The following MRPL23 variants were observed in gnomAD, a reference collection of about 807,000 sequenced individuals.
The protein encoded by MRPL23 is large ribosomal subunit protein uL23m.
For missense variants in MRPL23, 25 were observed against 81.3 expected (o/e 0.31, Z 2.66); for synonymous variants, 12 against 34.8 (o/e 0.35, Z 2.30).
downstream of MRPL23, among the ~76,000 whole-genome samples, chr11:1,960,028 A>T (rs1407186471): frequency 4.2e-5 from 5 of 120,082 alleles, 1 homozygote; most frequent in African/African-American, 5.7e-5. Context: ...AGGCAGTGCC[A>T]TGCTGCGTGC....
intron 5 of MRPL23, chr11:1,983,330 G>T (rs2119591988): frequency 6.0e-5 from 1 of 16,674 alleles, no homozygotes; most frequent in East Asian, 9.9e-4. Flanking sequence ...CGTCCAGGTG[G>T]CTGGGGACTC....
At chr11:1,989,134 G>A (rs1856847586), downstream of MRPL23, among the ~76,000 whole-genome samples, 1 of 131,620 alleles carries the variant, frequency 7.6e-6, no homozygotes, top group African/African-American at 2.5e-5. Context: ...GTGGTGGCAG[G>A]CAGGGTGTGT....
chr11:1,988,813 A>T (rs557980105), downstream of MRPL23, among the ~76,000 whole-genome samples: 2 of 143,776 alleles, frequency 1.4e-5, no homozygotes, highest in Non-Finnish European at 3.1e-5. Context: ...GGGCCCCTGG[A>T]CATCACTCAC....
At chr11:1,991,713 G>A in the MRPL23 span, among the ~76,000 whole-genome samples, 55 of 128,532 alleles carry the variant, frequency 4.3e-4, 1 homozygote, top group African/African-American at 1.4e-3. Flanking sequence ...GGGCCGAGGA[G>A]GGCCCCCGCC....
chr11:1,991,572 ACAC>A, the MRPL23 span, among the ~76,000 whole-genome samples: 2 of 125,234 alleles, frequency 1.6e-5, no homozygotes, highest in African/African-American at 5.2e-5. Flanking sequence ...ACACACACAC[ACAC>A]ACACACACAC....
At chr11:1,989,191 C>T (rs1204282331), downstream of MRPL23, among the ~76,000 whole-genome samples, 3 of 100,306 alleles carry the variant, frequency 3.0e-5, no homozygotes, top group East Asian at 5.2e-4. Context: ...GGGGCGGCTC[C>T]GTGGGAAAGT....
chr11:1,960,019 G>A (rs1856463660), downstream of MRPL23, among the ~76,000 whole-genome samples: 1 of 120,862 alleles, frequency 8.3e-6, no homozygotes, highest in Non-Finnish European at 1.8e-5. Context: ...GCAAGGCCCA[G>A]GCAGTGCCAT....
chr11:1,991,735 C>T, the MRPL23 span, among the ~76,000 whole-genome samples: 4 of 123,266 alleles, frequency 3.2e-5, no homozygotes, highest in African/African-American at 1.1e-4. Flanking sequence ...GGACCCACTG[C>T]GCCCTTGGCT....
At chr11:1,956,696 G>A (rs372088194), downstream of MRPL23, 1 of 34,804 alleles carries the variant, frequency 2.9e-5, no homozygotes, top group South Asian at 1.4e-3. Context: ...GCCTGGCTCC[G>A]CTTTCCCAGG....
At chr11:1,984,022 G>A (rs1856786063) in intron 5 of MRPL23, 1 of 99,062 alleles carries the variant, frequency 1.0e-5, no homozygotes, top group Non-Finnish European at 2.3e-5. Flanking sequence ...GGATCCTGCA[G>A]GAAGCCTGCG....
chr11:1,994,023 C>T, the MRPL23 span, among the ~76,000 whole-genome samples: 6 of 96,678 alleles, frequency 6.2e-5, 2 homozygotes, highest in South Asian at 8.6e-4. Context: ...ACCCAAGGGA[C>T]GTGGGGAACC....
chr11:1,992,960 G>A, the MRPL23 span, among the ~76,000 whole-genome samples: 830 of 140,274 alleles, frequency 5.9e-3, 62 homozygotes, highest in Non-Finnish European at 8.8e-3. Context: ...CCCCCTGAAC[G>A]CTGCCCCCAC....
chr11:1,991,720 C>G, the MRPL23 span, among the ~76,000 whole-genome samples: 2 of 126,754 alleles, frequency 1.6e-5, no homozygotes, highest in South Asian at 7.3e-4. Flanking sequence ...GGAGGGCCCC[C>G]GCCCGGACCC....
At chr11:1,965,191 C>T (rs567819849), downstream of MRPL23, among the ~76,000 whole-genome samples, 3 of 115,614 alleles carry the variant, frequency 2.6e-5, no homozygotes, top group African/African-American at 5.7e-5. Flanking sequence ...GGATGGAGCT[C>T]GGGAGGAGGG....
Position 1,953,609 on chromosome 11 carries a change from G to T in MRPL23, c.297+754G>T, listed in dbSNP as rs939539332. Among the ~76,000 whole-genome samples the T allele has an allele frequency of 2.9e-5, 3 of 102,190 alleles. 1 individual carries two copies. The highest frequency in any genetic ancestry group is 5.8e-5 in the Non-Finnish European group (3 of 51,944). 67.0% of individuals were successfully genotyped at this position (102,190 alleles called of 152,430 possible). A position where few individuals can be genotyped will look rare whatever the true frequency, so the allele number is the denominator to read the frequency against. The stretch of plus-strand genomic sequence containing the variant: ...CACAGCCTGCCCCGGCCGCCTCCTG[G>T]GCCTCCCCACTCTGCCCCTGGGGCT... On this transcript the variant is annotated intron_variant, in intron 4 of 4. Coordinates refer to ENST00000397298, the MANE Select transcript of MRPL23 (RefSeq NM_021134.4).
chr11:1,949,736 A>ATACG (rs1856269381), intron 1 of MRPL23: 1 of 11,388 alleles, frequency 8.8e-5, no homozygotes, highest in Non-Finnish European at 1.5e-4. Flanking sequence ...ACCCCTCAAG[A>ATACG]GCCCCTGTGC....
the MRPL23 span, chr11:1,991,208 G>A: frequency 7.1e-4 from 1 of 1,416 alleles, no homozygotes; most frequent in African/African-American, 1.6e-3. Flanking sequence ...CGGCTGCAGG[G>A]CGGGCGGGAG....
At chr11:1,983,675 C>CG (rs1763856335) in intron 5 of MRPL23, 3 of 143,062 alleles carry the variant, frequency 2.1e-5, no homozygotes, top group African/African-American at 7.6e-5. Context: ...GCTCTGGGAG[C>CG]GGGTGGGGCC....
intron 5 of MRPL23, among the ~76,000 whole-genome samples, chr11:1,981,745 G>C (rs2735466): frequency 0.5 from 72,039 of 144,718 alleles, 22,157 homozygotes; most frequent in Middle Eastern, 0.61. Flanking sequence ...GCCCGTAGCA[G>C]AGTGGTCGTA....
Sources: gnomAD v4.1 joint callset for allele counts (sites outside exome capture counted in the v4.1 genomes callset) on GRCh38, gnomAD v4.1.1 for gene constraint, MANE v1.5 for transcripts, NCBI Gene and HGNC (gene_info 2026-07-23, HGNC 2026-07-21) for gene names.